The following PKN2 variants were observed in gnomAD, a reference collection of about 807,000 sequenced individuals.
PKN2 encodes the protein protein kinase N2, also known as serine/threonine-protein kinase N2.
In PKN2, 38 loss-of-function variants were observed where a neutral mutation model predicts 119.1. The observed-to-expected ratio is 0.32, with a 90% CI of 0.25 to 0.42. The LOEUF (loss-of-function observed/expected upper bound fraction) is 0.42, where lower values mean the gene tolerates loss of function less well. Among genes scored for constraint, PKN2 ranks in the 10% least tolerant of loss-of-function variants. PKN2 has a pLI of 1.00. For synonymous variants in PKN2, 390 were observed against 384.9 expected (o/e 1.01, Z -0.15); for missense variants, 850 against 1,165.1 (o/e 0.73, Z 3.94).
At chr1:88,713,387 C>T (rs1570515781) in intron 1 of PKN2, among the ~76,000 whole-genome samples, 1 of 152,220 alleles carries the variant, frequency 6.6e-6, no homozygotes, top group East Asian at 1.9e-4. Context: ...GTTTACACTC[C>T]CACCAACAGT....
At chr1:88,735,598 G>GC (rs1192390039) in intron 1 of PKN2, among the ~76,000 whole-genome samples, 398 of 11,856 alleles carry the variant, frequency 0.034, no homozygotes, top group Non-Finnish European at 0.044. Context: ...TTGGTTGACA[G>GC]CCCACCCCCC....
chr1:88,746,232 G>A (rs1668764803), intron 2 of PKN2, among the ~76,000 whole-genome samples: 1 of 151,954 alleles, frequency 6.6e-6, no homozygotes, highest in South Asian at 2.1e-4. Context: ...GTGATTTCTT[G>A]GATAAAAGCA....
In PKN2 at chr1:88,721,311, G is replaced by A. The variant is rs1452105454; in HGVS notation, c.49-19677G>A. On this transcript the variant is annotated intron_variant, in intron 1 of 21. Transcript: ENST00000370521. ...ATTTTTTTTTATTTTTAAAATTATG[G>A]CCATTCTTGAAGGAATGGCCTTGTG... is the stretch of plus-strand genomic sequence containing the variant. Among the ~76,000 whole-genome samples, 16 of 151,776 alleles carry A rather than the reference G, an allele frequency of 1.1e-4. 1 individual carries two copies. Among genetic ancestry groups the A allele is most frequent in the Admixed American group, 9.8e-4 (15 of 15,240 alleles).
intron 6 of PKN2, among the ~76,000 whole-genome samples, chr1:88,778,193 T>A (rs1404500621): frequency 6.6e-6 from 1 of 152,220 alleles, no homozygotes; most frequent in African/African-American, 2.4e-5. Context: ...CTTGGGCACG[T>A]GTTGTCAGGA....
chr1:88,817,593 G>A (rs1315086104), intron 16 of PKN2, among the ~76,000 whole-genome samples: 6 of 150,882 alleles, frequency 4.0e-5, no homozygotes, highest in African/African-American at 9.8e-5. Flanking sequence ...CTGTAGTCTC[G>A]GCTGCTCAGG....
chr1:88,820,783 T>G (rs1672249545), intron 16 of PKN2, among the ~76,000 whole-genome samples: 1 of 152,186 alleles, frequency 6.6e-6, no homozygotes, highest in Admixed American at 6.5e-5. Flanking sequence ...ATATTCATGT[T>G]ATTACTTTTA....
intron 16 of PKN2, chr1:88,815,471 G>A (rs1012926869): frequency 9.1e-6 from 3 of 330,746 alleles, no homozygotes; most frequent in Non-Finnish European, 1.7e-5. Flanking sequence ...GAAATCATCT[G>A]ATTTATTTTT....
At chr1:88,808,252 G>T (rs1370944050) in intron 15 of PKN2, among the ~76,000 whole-genome samples, 1 of 151,314 alleles carries the variant, frequency 6.6e-6, no homozygotes, top group Non-Finnish European at 1.5e-5. Context: ...CTAACGTCTG[G>T]GTCTAATAAA....
intron 1 of PKN2, among the ~76,000 whole-genome samples, chr1:88,711,861 A>T (rs556203191): frequency 6.6e-6 from 1 of 152,130 alleles, no homozygotes; most frequent in African/African-American, 2.4e-5. Flanking sequence ...ATTGTCCTCT[A>T]CAGTTCTAAT....
At chr1:88,814,578 A>T (rs1671909270) in intron 16 of PKN2, among the ~76,000 whole-genome samples, 1 of 152,166 alleles carries the variant, frequency 6.6e-6, no homozygotes, top group African/African-American at 2.4e-5. Flanking sequence ...TTATTTAACA[A>T]CTTAAACTGA....
chr1:88,833,776 T>C lies in PKN2; in HGVS notation c.*328T>C, dbSNP rs1672830866. 1 of 211,986 alleles carries C rather than the reference T, an allele frequency of 4.7e-6. No individual in the cohort carries two copies. The highest frequency in any genetic ancestry group is 5.5e-5 in the Admixed American group (1 of 18,170). The allele number at this position is 211,986 out of a possible 1,614,324, so 13.1% of individuals were successfully genotyped here. On this transcript the variant is annotated 3_prime_UTR_variant, in exon 22 of 22. Coordinates refer to ENST00000370521, the MANE Select transcript of PKN2 (RefSeq NM_006256.4). ...AAAAAAACCACTTTTTTATAGTCCC[T>C]AGCTTTGCCATATGCCCGCCTTAAG...
intron 1 of PKN2, among the ~76,000 whole-genome samples, chr1:88,706,626 T>C (rs1246414204): frequency 6.6e-6 from 1 of 152,300 alleles, no homozygotes; most frequent in Admixed American, 6.5e-5. Flanking sequence ...TATTTGCCCT[T>C]TAATTACATT....
At chr1:88,828,159 T>C (rs1672586035) in intron 18 of PKN2, among the ~76,000 whole-genome samples, 1 of 152,216 alleles carries the variant, frequency 6.6e-6, no homozygotes, top group African/African-American at 2.4e-5. Flanking sequence ...TAAGATTGAA[T>C]TGGAAAGATA....
At chr1:88,778,120 C>G (rs1258310057) in intron 6 of PKN2, among the ~76,000 whole-genome samples, 3 of 152,216 alleles carry the variant, frequency 2.0e-5, no homozygotes, top group South Asian at 2.1e-4. Context: ...GTACCTTTTA[C>G]ATGTATTGAT....
At chr1:88,727,064 A>G (rs571123842) in intron 1 of PKN2, among the ~76,000 whole-genome samples, 86 of 150,664 alleles carry the variant, frequency 5.7e-4, no homozygotes, top group African/African-American at 1.8e-3. Flanking sequence ...CTATTTTTCA[A>G]TTTCTCCTTA....
At chr1:88,806,650 A>G (rs1449899803) in intron 12 of PKN2, among the ~76,000 whole-genome samples, 1 of 152,210 alleles carries the variant, frequency 6.6e-6, no homozygotes, top group Non-Finnish European at 1.5e-5. Flanking sequence ...TACATGACAT[A>G]CTGCCTGAAA....
rs190604469 is a variant in PKN2, at chr1:88,773,473, T to C, written c.985+1594T>C. The stretch of plus-strand genomic sequence containing the variant: ...CACTGCACCTGGCTAATTTCTGTAT[T>C]TTTAGTAGAGACAGGGTTTTACCAT... On this transcript the variant is annotated intron_variant, in intron 6 of 21. Transcript: ENST00000370521. 5.5e-3 allele frequency among the ~76,000 whole-genome samples: 831 copies of C among 152,068 alleles called. 5 individuals carry two copies. Among genetic ancestry groups the C allele is most frequent in the African/African-American group, 0.019 (800 of 41,458 alleles).
At chr1:88,687,502 A>G (rs1666149299) in intron 1 of PKN2, among the ~76,000 whole-genome samples, 1 of 152,204 alleles carries the variant, frequency 6.6e-6, no homozygotes, top group Non-Finnish European at 1.5e-5. Flanking sequence ...GGATTAATGA[A>G]AACTGTAAAG....
At chr1:88,781,025 A>T in intron 6 of PKN2, 1 of 941,938 alleles carries the variant, frequency 1.1e-6, no homozygotes, top group South Asian at 2.4e-5. Context: ...GAAGTATCTT[A>T]CAATTCTTAA....
Sources: gnomAD v4.1 joint callset for allele counts (sites outside exome capture counted in the v4.1 genomes callset) on GRCh38, gnomAD v4.1.1 for gene constraint, MANE v1.5 for transcripts, NCBI Gene and HGNC (gene_info 2026-07-23, HGNC 2026-07-21) for gene names.